RSL24D1: variants seen among roughly 807,000 people sequenced by gnomAD.
RSL24D1 encodes the protein ribosomal L24 domain containing 1.
In RSL24D1, 6 loss-of-function variants were observed where a neutral mutation model predicts 26.2. That is an observed-to-expected ratio of 0.23 (90% CI 0.13 to 0.45). RSL24D1 has a LOEUF of 0.45. Among genes scored for constraint, RSL24D1 ranks in the 20% least tolerant of loss-of-function variants. RSL24D1 has a pLI of 0.99. For synonymous variants in RSL24D1, 61 were observed against 59.1 expected, an observed-to-expected ratio of 1.03 and a Z score of -0.15; for missense variants, 176 against 202.6, an observed-to-expected ratio of 0.87 and a Z score of 0.80.
intron 1 of RSL24D1, chr15:55,194,251 T>C (rs1188135418): frequency 6.6e-6 from 1 of 152,234 alleles, no homozygotes; most frequent in African/African-American, 2.4e-5. Flanking sequence ...CCTGATGTTG[T>C]ACTAGTGCTA....
chr15:55,192,096 T>A (rs6493768), intron 2 of RSL24D1, among the ~76,000 whole-genome samples: 41,269 of 152,032 alleles, frequency 0.27, 7,253 homozygotes, highest in African/African-American at 0.5. Flanking sequence ...AATGGGTCAT[T>A]GGTTTGGTGG....
In RSL24D1 at chr15:55,182,496, G is replaced by A. The variant is rs556714713; in HGVS notation, c.419-271C>T. Among the ~76,000 whole-genome samples the A allele has an allele frequency of 1.7e-4, 26 of 152,222 alleles. 1 individual carries two copies. The highest frequency in any genetic ancestry group is 7.2e-4 in the Admixed American group (11 of 15,288). ...TCAAAGACAGATTAACTTGCTGAAG[G>A]TCACTCAACTAGAAAGCCATTTAAG... On this transcript the variant is annotated intron_variant, in intron 5 of 5. Coordinates refer to ENST00000260443, the MANE Select transcript of RSL24D1 (RefSeq NM_016304.3).
At chr15:55,187,241 G>T (rs1894234054) in intron 3 of RSL24D1, among the ~76,000 whole-genome samples, 1 of 152,120 alleles carries the variant, frequency 6.6e-6, no homozygotes, top group South Asian at 2.1e-4. Context: ...ATATGCTGTA[G>T]CTCAGAATTA....
At chr15:55,182,317 T>G (rs778664743) in intron 5 of RSL24D1, 92 bp from the exon 6 acceptor site, 82 of 805,962 alleles carry the variant, frequency 1.0e-4, no homozygotes, top group Non-Finnish European at 1.7e-4. Context: ...TTGCATGTTT[T>G]CAAGTAATAT....
At chr15:55,195,696 T>G (rs944562234) in intron 1 of RSL24D1, 2 of 152,286 alleles carry the variant, frequency 1.3e-5, no homozygotes, top group Non-Finnish European at 2.9e-5. Context: ...TTTATAAACT[T>G]CTTATCATGT....
At chr15:55,184,820 G>A (rs1894206837) in intron 4 of RSL24D1, among the ~76,000 whole-genome samples, 2 of 152,114 alleles carry the variant, frequency 1.3e-5, no homozygotes, top group South Asian at 4.1e-4. Context: ...CCTGCCAAAG[G>A]TGCCTAGCCA....
At chr15:55,185,225 T>A in intron 4 of RSL24D1, 137 bp downstream of exon 4, 1 of 542,758 alleles carries the variant, frequency 1.8e-6, no homozygotes, top group Non-Finnish European at 3.3e-6. Flanking sequence ...TATACAAGAG[T>A]TCTTCATATT....
In RSL24D1 at chr15:55,196,791, C is replaced by A; in HGVS notation, c.81+19G>T. On this transcript the variant is annotated intron_variant, in intron 1 of 5. Transcript: ENST00000260443. ...CGCGGGAGCTAGGCTGAAGCAAGAA[C>A]TGGTGTCGACCGCCTTACCTTGCAA... The A allele has an allele frequency of 1.9e-6, 3 of 1,613,670 alleles. No individual in the cohort carries two copies. Among genetic ancestry groups the A allele is most frequent in the Non-Finnish European group, 1.7e-6 (2 of 1,179,568 alleles).
chr15:55,183,619 C>G (rs567150771), intron 4 of RSL24D1, among the ~76,000 whole-genome samples: 36 of 152,118 alleles, frequency 2.4e-4, no homozygotes, highest in African/African-American at 8.2e-4. Context: ...CCTCTCAGTC[C>G]TCTCACATTA....
chr15:55,192,978 A>G (rs1285634524), intron 1 of RSL24D1, 145 bp from the exon 2 acceptor site: 16 of 570,530 alleles, frequency 2.8e-5, no homozygotes, highest in Non-Finnish European at 4.7e-5. Context: ...AAATGGAAAC[A>G]ACTATTTTTT....
At chr15:55,190,219 G>A (rs1195565561) in intron 3 of RSL24D1, among the ~76,000 whole-genome samples, 2 of 140,622 alleles carry the variant, frequency 1.4e-5, no homozygotes, top group East Asian at 4.1e-4. Context: ...CTGCACTCCA[G>A]CCGGTGGGAC....
At chr15:55,183,103 T>C (rs902516593) in intron 5 of RSL24D1, among the ~76,000 whole-genome samples, 3 of 152,164 alleles carry the variant, frequency 2.0e-5, no homozygotes, top group African/African-American at 2.4e-5. Context: ...TGGGGGGATA[T>C]GGAACATAGA....
At chr15:55,188,914 A>C (rs540020110) in intron 3 of RSL24D1, among the ~76,000 whole-genome samples, 1 of 152,330 alleles carries the variant, frequency 6.6e-6, no homozygotes, top group South Asian at 2.1e-4. Context: ...AGGACTGGCC[A>C]AGTGCGGAGG....
At chr15:55,186,842 C>T (rs372023637) in intron 3 of RSL24D1, among the ~76,000 whole-genome samples, 2 of 151,686 alleles carry the variant, frequency 1.3e-5, no homozygotes, top group Admixed American at 6.6e-5. Flanking sequence ...AAACTAGGGA[C>T]CAAGAAGTAT....
Position 55,183,248 on chromosome 15 carries a change from T to C in RSL24D1, c.418+67A>G, listed in dbSNP as rs1475105011. 9 of 1,118,700 alleles carry C rather than the reference T, an allele frequency of 8.0e-6. No individual in the cohort carries two copies. The East Asian group carries it at 1.2e-4, about 15-fold the overall frequency. The allele number at this position is 1,118,700 out of a possible 1,614,324, so 69.3% of individuals were successfully genotyped here. ...GAAAGATAATATTTATAGGAAAAAA[T>C]ACCCAAAGTTAGTTGGTACCCAAAT... On this transcript the variant is annotated intron_variant, in intron 5 of 5. Transcript: ENST00000260443.
rs775403419 is a variant in RSL24D1 at position 55,185,382 on chromosome 15, T to G, written c.312A>C (p.Gln104His). ...CATACCTGTTCATTATAAATTTAGC[T>G]TGGCGCTTCTGTTTGATTTCTTCAA... ...KRVEEIKQKR[Q>H]AKFIMNRLKK... The change falls in exon 4 of 6, where the codon CAA becomes CAC. Residue 104 changes from glutamine to histidine, a missense_variant. Gln to His is a conservative substitution (Grantham distance 24, BLOSUM62 0). This residue lies in a region of RSL24D1 where 89 missense variants were observed against 135.1 expected (regional missense o/e 0.66). Transcript: ENST00000260443. 2 of 1,608,386 alleles carry G rather than the reference T, an allele frequency of 1.2e-6. No homozygotes were observed. Among genetic ancestry groups the G allele is most frequent in the Non-Finnish European group, 1.7e-6 (2 of 1,178,110 alleles).
At chr15:55,192,989 G>A (rs1894315661) in intron 1 of RSL24D1, among the ~76,000 whole-genome samples, 156 bp from the exon 2 acceptor site, 2 of 152,026 alleles carry the variant, frequency 1.3e-5, no homozygotes, top group Admixed American at 1.3e-4. Context: ...ACTATTTTTT[G>A]ACTATCAAAC....
chr15:55,189,607 A>AT (rs888768996), intron 3 of RSL24D1, among the ~76,000 whole-genome samples: 6 of 151,502 alleles, frequency 4.0e-5, no homozygotes, highest in South Asian at 2.1e-4. Flanking sequence ...TTTTTTTGCA[A>AT]TTTTTTTTTC....
At chr15:55,183,834 T>A (rs1189366177) in intron 4 of RSL24D1, among the ~76,000 whole-genome samples, 2 of 152,132 alleles carry the variant, frequency 1.3e-5, no homozygotes, top group Non-Finnish European at 2.9e-5. Context: ...TCATTCATTC[T>A]TTGTACCTAG....
Sources: gnomAD v4.1 joint callset for allele counts (sites outside exome capture counted in the v4.1 genomes callset) on GRCh38, gnomAD v4.1.1 for gene constraint, gnomAD v4.1.1 regional missense constraint, MANE v1.5 for transcripts, NCBI Gene and HGNC (gene_info 2026-07-23, HGNC 2026-07-21) for gene names.